GDAP1: variants seen among roughly 807,000 people sequenced by gnomAD.
GDAP1 encodes the protein ganglioside induced differentiation associated protein 1.
In GDAP1, 34 loss-of-function variants were observed where a neutral mutation model predicts 40.1. The ratio of observed to expected loss-of-function variants is 0.85; its 90% CI spans 0.64 to 1.13. The LOEUF (loss-of-function observed/expected upper bound fraction) is 1.13. Ranked by LOEUF, GDAP1 falls within the 50% of genes most tolerant of loss-of-function variation. GDAP1 has a pLI of 0.00. For missense variants in GDAP1, 374 were observed against 433.7 expected, an observed-to-expected ratio of 0.86 and a Z score of 1.22; for synonymous variants, 170 against 157.4, an observed-to-expected ratio of 1.08 and a Z score of -0.60.
Position 74,361,954 on chromosome 8 carries a change from C to A in GDAP1, c.555C>A (p.Tyr185Ter). The change falls in exon 4 of 6, where the codon TAC becomes TAA. Residue 185 changes from tyrosine to a stop codon, truncating the protein, a stop_gained. Coordinates refer to ENST00000220822, the MANE Select transcript of GDAP1 (RefSeq NM_018972.4). LOFTEE classifies it high-confidence loss of function. ...AEENPDLQEA[Y>*]IAKQKRLKSK... ...AAAACCCAGATTTACAAGAAGCATA[C>A]ATTGCAAAACAGAAACGACTTAAAG... 2 of 1,597,014 alleles carry A rather than the reference C, an allele frequency of 1.3e-6. No homozygotes were observed. The highest frequency in any genetic ancestry group is 1.7e-6 in the Non-Finnish European group (2 of 1,165,268).
At chr8:74,396,148 A>G (rs1810195278) in intron 2 of GDAP1, among the ~76,000 whole-genome samples, 1 of 152,130 alleles carries the variant, frequency 6.6e-6, no homozygotes. Flanking sequence ...TTTACATTAT[A>G]ATTTTTTGGG....
rs73331397 is a variant in GDAP1, at chr8:74,477,680, C to G, written c.166-10998C>G. The stretch of plus-strand genomic sequence containing the variant: ...CTGTGTTGGAGGGGCCCAGGTACTC[C>G]CAGACTGCTGGTCACAACACTCTAA... On this transcript the variant is annotated intron_variant, in intron 2 of 2. Coordinates refer to the GDAP1 transcript ENST00000523640. 3.3e-3 allele frequency among the ~76,000 whole-genome samples: 507 copies of G among 152,188 alleles called. 3 individuals are homozygous for G. The highest frequency in any genetic ancestry group is 0.011 in the African/African-American group (443 of 41,508).
At chr8:74,408,094 A>G (rs1455485216) in intron 2 of GDAP1, among the ~76,000 whole-genome samples, 1 of 150,122 alleles carries the variant, frequency 6.7e-6, no homozygotes, top group Non-Finnish European at 1.5e-5. Context: ...AAGTTTTACA[A>G]TTCTTTTACA....
chr8:74,440,881 T>C (rs533636511), intron 2 of GDAP1, among the ~76,000 whole-genome samples: 2 of 152,150 alleles, frequency 1.3e-5, no homozygotes, highest in Non-Finnish European at 2.9e-5. Flanking sequence ...AAATATATAT[T>C]GCAAACTCAC....
intron 2 of GDAP1, among the ~76,000 whole-genome samples, chr8:74,436,302 C>T (rs1014719070): frequency 2.0e-4 from 31 of 152,024 alleles, no homozygotes; most frequent in Non-Finnish European, 4.4e-5. Flanking sequence ...AAAGAGTGAT[C>T]AGAAAACTGA....
At chr8:74,411,010 T>C (rs1431670170) in intron 2 of GDAP1, among the ~76,000 whole-genome samples, 1 of 149,928 alleles carries the variant, frequency 6.7e-6, no homozygotes, top group Non-Finnish European at 1.5e-5. Context: ...GAGGTTTCCC[T>C]CTTGCTGTTC....
At chr8:74,464,008 T>C (rs1033494551) in intron 2 of GDAP1, among the ~76,000 whole-genome samples, 3 of 151,858 alleles carry the variant, frequency 2.0e-5, no homozygotes, top group African/African-American at 7.3e-5. Flanking sequence ...CTAAAGGAAA[T>C]GTGGAGGAAA....
At chr8:74,470,278 G>A (rs957152538) in intron 2 of GDAP1, among the ~76,000 whole-genome samples, 27 of 152,012 alleles carry the variant, frequency 1.8e-4, no homozygotes, top group Non-Finnish European at 3.7e-4. Flanking sequence ...TATACTCTAA[G>A]TTTTAGGATA....
At chr8:74,367,742 G>A (rs1345074227), downstream of GDAP1, among the ~76,000 whole-genome samples, 2 of 152,226 alleles carry the variant, frequency 1.3e-5, no homozygotes, top group South Asian at 2.1e-4. Context: ...GTAATTTCTA[G>A]TGTGAGGATA....
At chr8:74,380,066 C>T (rs995483654) in intron 2 of GDAP1, among the ~76,000 whole-genome samples, 15 of 152,096 alleles carry the variant, frequency 9.9e-5, no homozygotes, top group African/African-American at 3.6e-4. Flanking sequence ...TGAGTGGGGT[C>T]AGAGCAAGAG....
At chr8:74,434,235 G>A (rs1182306285) in intron 2 of GDAP1, among the ~76,000 whole-genome samples, 1 of 152,176 alleles carries the variant, frequency 6.6e-6, no homozygotes, top group Admixed American at 6.5e-5. Context: ...TGCAGTTCAT[G>A]TAAGTTCTTG....
intron 2 of GDAP1, among the ~76,000 whole-genome samples, chr8:74,353,846 G>A (rs1808985238): frequency 6.6e-6 from 1 of 152,092 alleles, no homozygotes. Context: ...TAAATCTGGT[G>A]GAAATTTAGA....
rs185949417 is a variant in GDAP1, at chr8:74,350,909, G to T, written c.117+331G>T. Among the ~76,000 whole-genome samples the T allele has an allele frequency of 2.3e-3, 344 of 152,306 alleles. 2 individuals are homozygous for T. The highest frequency in any genetic ancestry group is 8.0e-3 in the African/African-American group (331 of 41,574). ...GCCTTTGTGGACCCTCATAATCTGC[G>T]ATCTCTTCTTTTGCTCTCTCGCATT... On this transcript the variant is annotated intron_variant, in intron 1 of 5. Transcript: ENST00000220822.
chr8:74,351,306 G>A lies in GDAP1; in HGVS notation c.150G>A (p.Lys50=). The A allele has an allele frequency of 1.2e-6, 2 of 1,614,186 alleles. No homozygotes were observed. The highest frequency in any genetic ancestry group is 2.2e-5 in the South Asian group (2 of 91,086). The change falls in exon 2 of 6, where the codon AAG becomes AAA. Residue 50 remains lysine, a synonymous_variant. Coordinates refer to ENST00000220822, the MANE Select transcript of GDAP1 (RefSeq NM_018972.4). The stretch of plus-strand genomic sequence containing the variant: ...TGGTAATTGCTGAAAAGGCATTGAA[G>A]TGCGAGGAACATGATGTAAGTCTGC... ...VRLVIAEKAL[K]CEEHDVSLPL...
At chr8:74,465,102 C>T (rs1296503146) in intron 2 of GDAP1, among the ~76,000 whole-genome samples, 1 of 151,942 alleles carries the variant, frequency 6.6e-6, no homozygotes, top group African/African-American at 2.4e-5. Flanking sequence ...CTCCTGTAGT[C>T]CCAGTTACTT....
rs1563440394 is a variant in GDAP1 at position 74,356,718 on chromosome 8, T to TA, written c.311-3419_311-3418insA. Reference sequence around the variant, plus strand: ...TGTGTGTGTGTATATATATATATATTTTTTTTTTTTTTTTTGAGACGGAGT... The same window carrying TA: ...TGTGTGTGTGTATATATATATATATTATTTTTTTTTTTTTTTGAGACGGAGT... On this transcript the variant is annotated intron_variant, in intron 2 of 5. Transcript: ENST00000220822. 2.9e-3 allele frequency among the ~76,000 whole-genome samples: 282 copies of TA among 96,516 alleles called. 12 individuals are homozygous for TA. Among genetic ancestry groups the TA allele is most frequent in the African/African-American group, 0.011 (240 of 21,642 alleles). 63.3% of individuals were successfully genotyped at this position (96,516 alleles called of 152,430 possible).
Position 74,350,582 on chromosome 8 carries a change from C to A in GDAP1, c.117+4C>A, listed in dbSNP as rs778286821. On this transcript the variant is annotated splice_donor_region_variant and intron_variant, in intron 1 of 5. Transcript: ENST00000220822. ...GCATTCCTTCAGCTCTCAAAAGGTACAACAGGCCTTGGCGGCGGAGGGTGG... is the reference window on the plus strand; with the variant it reads ...GCATTCCTTCAGCTCTCAAAAGGTAAAACAGGCCTTGGCGGCGGAGGGTGG... 3 of 1,540,446 alleles carry A rather than the reference C, an allele frequency of 1.9e-6. No individual in the cohort carries two copies. The highest frequency in any genetic ancestry group is 2.7e-6 in the Non-Finnish European group (3 of 1,112,716).
chr8:74,486,847 C>G lies in GDAP1; in HGVS notation c.166-1831C>G, dbSNP rs185194709. On this transcript the variant is annotated intron_variant, in intron 2 of 2. Coordinates refer to the GDAP1 transcript ENST00000523640. Reference sequence around the variant, plus strand: ...CTAAAGTATAGGTACAGAATCTGTCCTTCATTGCACTTTCTTGATGTTTTT... The same window carrying G: ...CTAAAGTATAGGTACAGAATCTGTCGTTCATTGCACTTTCTTGATGTTTTT... Among the ~76,000 whole-genome samples, 5 of 152,232 alleles carry G rather than the reference C, an allele frequency of 3.3e-5. 1 individual carries two copies. The highest frequency in any genetic ancestry group is 3.3e-4 in the Admixed American group (5 of 15,282).
Position 74,452,051 on chromosome 8 carries a change from G to A in GDAP1, c.166-36627G>A, listed in dbSNP as rs1363361351. 3.7e-5 allele frequency among the ~76,000 whole-genome samples: 3 copies of A among 81,076 alleles called. 1 individual carries two copies. The highest frequency in any genetic ancestry group is 5.7e-4 in the South Asian group (1 of 1,742). 53.2% of individuals were successfully genotyped at this position (81,076 alleles called of 152,430 possible). The stretch of plus-strand genomic sequence containing the variant: ...TGCAAGCTCTGCCTCCCGGGTTCAC[G>A]CCATTCTCCTGCCACAGCCTCCCAA... On this transcript the variant is annotated intron_variant, in intron 2 of 2. Coordinates refer to the GDAP1 transcript ENST00000523640.
Sources: gnomAD v4.1 joint callset for allele counts (sites outside exome capture counted in the v4.1 genomes callset) on GRCh38, gnomAD v4.1.1 for gene constraint, MANE v1.5 for transcripts, NCBI Gene and HGNC (gene_info 2026-07-23, HGNC 2026-07-21) for gene names.